The following ITGBL1 variants were observed in gnomAD, a reference collection of about 807,000 sequenced individuals.
The protein encoded by ITGBL1 is integrin subunit beta like 1, also known as integrin beta-like protein 1.
Under a neutral mutation model 68.5 loss-of-function variants are expected in ITGBL1, and 51 were observed. The observed-to-expected ratio is 0.74, with a 90% CI of 0.59 to 0.94. ITGBL1 has a LOEUF of 0.94. Ranked by LOEUF, ITGBL1 falls within the 40% of genes least tolerant of loss-of-function variation. ITGBL1 has a pLI of 0.00. For synonymous variants in ITGBL1, 209 were observed against 227.3 expected (o/e 0.92, Z 0.72); for missense variants, 649 against 647.4 (o/e 1.00, Z -0.03).
chr13:101,463,487 A>G (rs1035474773), intron 2 of ITGBL1, among the ~76,000 whole-genome samples: 1 of 152,166 alleles, frequency 6.6e-6, no homozygotes, highest in South Asian at 2.1e-4. Context: ...TTATATGATC[A>G]TAATTGATCT....
At chr13:101,589,198 T>A (rs1273964526) in intron 6 of ITGBL1, among the ~76,000 whole-genome samples, 1 of 152,232 alleles carries the variant, frequency 6.6e-6, no homozygotes, top group Non-Finnish European at 1.5e-5. Context: ...AATTAGGCAA[T>A]ACCATTGTCG....
chr13:101,544,543 C>T (rs1186458628), intron 2 of ITGBL1, among the ~76,000 whole-genome samples: 1 of 152,190 alleles, frequency 6.6e-6, no homozygotes, highest in Non-Finnish European at 1.5e-5. Flanking sequence ...CTCAGTTGTC[C>T]AGCTGCATGC....
At chr13:101,601,511 C>G (rs1412044159) in intron 7 of ITGBL1, among the ~76,000 whole-genome samples, 6 of 152,208 alleles carry the variant, frequency 3.9e-5, no homozygotes, top group South Asian at 2.1e-4. Context: ...TTCTCTAGTT[C>G]TTTTAATTGT....
chr13:101,538,127 C>T (rs1400575027), intron 2 of ITGBL1, among the ~76,000 whole-genome samples: 2 of 151,754 alleles, frequency 1.3e-5, no homozygotes, highest in Non-Finnish European at 2.9e-5. Flanking sequence ...GACCGAGACT[C>T]AAGTTTTAAA....
chr13:101,462,675 C>G (rs146937778), intron 2 of ITGBL1, among the ~76,000 whole-genome samples: 1 of 152,082 alleles, frequency 6.6e-6, no homozygotes, highest in Non-Finnish European at 1.5e-5. Flanking sequence ...CTCCACCTCC[C>G]GGGGTCAAGT....
intron 7 of ITGBL1, among the ~76,000 whole-genome samples, chr13:101,685,375 T>C (rs1480054586): frequency 2.0e-5 from 3 of 152,236 alleles, no homozygotes; most frequent in Non-Finnish European, 4.4e-5. Context: ...CATTTCTGTA[T>C]GTTAATTTTG....
intron 6 of ITGBL1, among the ~76,000 whole-genome samples, chr13:101,595,736 T>G (rs1405369095): frequency 6.6e-6 from 1 of 152,142 alleles, no homozygotes; most frequent in Non-Finnish European, 1.5e-5. Context: ...AAAACTTCCA[T>G]GTTGTTGGTG....
chr13:101,455,531 G>A (rs920354149), intron 2 of ITGBL1, among the ~76,000 whole-genome samples: 15 of 152,142 alleles, frequency 9.9e-5, no homozygotes, highest in East Asian at 9.6e-4. Context: ...GCTGGGCGTC[G>A]TGGCATGTGC....
chr13:101,559,635 T>C (rs1172121317), intron 2 of ITGBL1, among the ~76,000 whole-genome samples: 1 of 152,164 alleles, frequency 6.6e-6, no homozygotes, highest in Non-Finnish European at 1.5e-5. Context: ...AGTCCATTGC[T>C]AAATTCCAGA....
At chr13:101,661,205 C>G (rs1296058529) in intron 7 of ITGBL1, among the ~76,000 whole-genome samples, 3 of 151,536 alleles carry the variant, frequency 2.0e-5, no homozygotes, top group Non-Finnish European at 4.4e-5. Flanking sequence ...TATTGTTTTT[C>G]CTGACTTTGG....
At chr13:101,648,194 A>T (rs1405519037) in intron 7 of ITGBL1, among the ~76,000 whole-genome samples, 1 of 152,212 alleles carries the variant, frequency 6.6e-6, no homozygotes, top group Non-Finnish European at 1.5e-5. Flanking sequence ...ATATATCCAA[A>T]CAAACAAAAC....
At position 101,543,174 on chromosome 13, in the gene ITGBL1, AT is replaced by A. The variant is rs1255792659; in HGVS notation, c.317-24518del. ...GCCTTGATGGTCTTTACAATTTGGCATTTTTTTGTGGTGGCTGGTACTGGTT... is the reference window on the plus strand; with the variant it reads ...GCCTTGATGGTCTTTACAATTTGGCATTTTTTGTGGTGGCTGGTACTGGTT... On this transcript the variant is annotated intron_variant, in intron 2 of 10. Coordinates refer to ENST00000376180, the MANE Select transcript of ITGBL1 (RefSeq NM_004791.3). 2.6e-5 allele frequency among the ~76,000 whole-genome samples: 4 copies of A among 152,082 alleles called. No homozygotes were observed. The South Asian group carries it at 6.2e-4, about 24-fold the overall frequency.
At chr13:101,469,296 C>T (rs1442126038) in intron 2 of ITGBL1, among the ~76,000 whole-genome samples, 2 of 152,152 alleles carry the variant, frequency 1.3e-5, no homozygotes, top group African/African-American at 2.4e-5. Context: ...ATGGGTGGAC[C>T]GTGGGTCATA....
intron 2 of ITGBL1, among the ~76,000 whole-genome samples, chr13:101,544,094 G>C (rs1051637221): frequency 6.6e-6 from 1 of 152,194 alleles, no homozygotes; most frequent in Admixed American, 6.5e-5. Context: ...TGTTGCTGGT[G>C]AGGAGCTGCG....
At chr13:101,660,302 A>G (rs1195734252) in intron 7 of ITGBL1, among the ~76,000 whole-genome samples, 1 of 152,134 alleles carries the variant, frequency 6.6e-6, no homozygotes, top group African/African-American at 2.4e-5. Flanking sequence ...TGGTTGGGTC[A>G]GAGATGAAAT....
chr13:101,522,269 G>A (rs2049298815), intron 2 of ITGBL1, among the ~76,000 whole-genome samples: 1 of 152,130 alleles, frequency 6.6e-6, no homozygotes, highest in Non-Finnish European at 1.5e-5. Context: ...AACTAAAGAT[G>A]TAGCATTAAA....
chr13:101,595,998 CATG>C (rs1210503973), intron 6 of ITGBL1, among the ~76,000 whole-genome samples: 1 of 151,824 alleles, frequency 6.6e-6, no homozygotes, highest in Non-Finnish European at 1.5e-5. Context: ...ATATATGTAA[CATG>C]ATGTTTTGAT....
chr13:101,490,111 AG>A, intron 2 of ITGBL1: 1 of 714,662 alleles, frequency 1.4e-6, no homozygotes, highest in Non-Finnish European at 2.3e-6. Context: ...TGGTATTTGG[AG>A]GTGGGGCCTT....
At chr13:101,461,537 T>C (rs2048318206) in intron 2 of ITGBL1, among the ~76,000 whole-genome samples, 1 of 152,048 alleles carries the variant, frequency 6.6e-6, no homozygotes, top group Admixed American at 6.6e-5. Context: ...CTACTAAAAA[T>C]TTTTTAAAAA....
Sources: allele counts gnomAD v4.1 joint callset (sites outside exome capture counted in the v4.1 genomes callset), GRCh38; gene constraint gnomAD v4.1.1; transcripts MANE v1.5; gene names NCBI Gene and HGNC (gene_info 2026-07-23, HGNC 2026-07-21).